SPATA6: variants seen among roughly 807,000 people sequenced by gnomAD.
SPATA6 encodes the protein spermatogenesis-associated protein 6.
Under a neutral mutation model 65.3 loss-of-function variants are expected in SPATA6, and 56 were observed. That is an observed-to-expected ratio of 0.86 (90% CI 0.69 to 1.07). The LOEUF (loss-of-function observed/expected upper bound fraction) is 1.07. Among genes scored for constraint, SPATA6 ranks in the 50% least tolerant of loss-of-function variants. The probability of loss-of-function intolerance (pLI) is 0.00; values close to 1 mark genes in which losing one functional copy is unlikely to be tolerated. For missense variants in SPATA6, 590 were observed against 594.8 expected (o/e 0.99, Z 0.08); for synonymous variants, 199 against 213.2 (o/e 0.93, Z 0.58).
chr1:48,435,147 A>C (rs1214289682), intron 3 of SPATA6, among the ~76,000 whole-genome samples: 1 of 152,194 alleles, frequency 6.6e-6, no homozygotes, highest in East Asian at 1.9e-4. Flanking sequence ...GACACTAATA[A>C]TACATCACCA....
intron 11 of SPATA6, among the ~76,000 whole-genome samples, chr1:48,337,260 A>G (rs1312302840): frequency 1.3e-5 from 2 of 151,922 alleles, no homozygotes; most frequent in Non-Finnish European, 2.9e-5. Context: ...GTGATTTGCT[A>G]TATTAAAATA....
intron 9 of SPATA6, among the ~76,000 whole-genome samples, chr1:48,368,786 C>T (rs1364509370): frequency 6.6e-6 from 1 of 152,188 alleles, no homozygotes; most frequent in Non-Finnish European, 1.5e-5. Flanking sequence ...AAGACTTCTT[C>T]TCTCAACTCG....
intron 1 of SPATA6, among the ~76,000 whole-genome samples, 173 bp from the exon 2 acceptor site, chr1:48,453,304 C>T (rs1656745297): frequency 6.6e-6 from 1 of 152,108 alleles, no homozygotes; most frequent in Non-Finnish European, 1.5e-5. Flanking sequence ...AAATGAAATG[C>T]TTTTATAACT....
intron 11 of SPATA6, among the ~76,000 whole-genome samples, chr1:48,334,786 C>A (rs774503887): frequency 6.6e-6 from 1 of 151,996 alleles, no homozygotes; most frequent in Non-Finnish European, 1.5e-5. Context: ...CTGGCCAGGG[C>A]AATCAGACAA....
intron 11 of SPATA6, among the ~76,000 whole-genome samples, chr1:48,324,176 T>A (rs1645686876): frequency 6.6e-6 from 1 of 152,140 alleles, no homozygotes; most frequent in African/African-American, 2.4e-5. Flanking sequence ...CAAGCTGGTC[T>A]CAAACTCCTG....
chr1:48,298,624 T>G lies in SPATA6; in HGVS notation c.*89A>C. 2.3e-6 allele frequency: 3 copies of G among 1,311,816 alleles called. No homozygotes were observed. The highest frequency in any genetic ancestry group is 3.1e-6 in the Non-Finnish European group (3 of 962,808). The allele number at this position is 1,311,816 out of a possible 1,614,324, so 81.3% of individuals were successfully genotyped here. ...TGTACTTAGTTATAATCCCATTTTT[T>G]TTAAAAAAAGGAATACAGATATTGA... On this transcript the variant is annotated 3_prime_UTR_variant, in exon 13 of 13. Transcript: ENST00000371847.
chr1:48,286,725 G>A, the SPATA6 span, among the ~76,000 whole-genome samples: 1 of 152,198 alleles, frequency 6.6e-6, no homozygotes, highest in Admixed American at 6.5e-5. Context: ...ACCTGACACT[G>A]TGTAATTTAT....
At chr1:48,454,329 C>T (rs1656839245) in intron 1 of SPATA6, among the ~76,000 whole-genome samples, 1 of 152,030 alleles carries the variant, frequency 6.6e-6, no homozygotes, top group Admixed American at 6.6e-5. Context: ...CATGTTCTTT[C>T]ATCATTGTAT....
intron 1 of SPATA6, among the ~76,000 whole-genome samples, chr1:48,458,241 T>C (rs1179970863): frequency 2.0e-5 from 3 of 152,108 alleles, no homozygotes; most frequent in Non-Finnish European, 1.5e-5. Context: ...CAAGTAAATC[T>C]TATCTGTGGT....
chr1:48,337,396 G>C (rs1229266995), intron 11 of SPATA6, among the ~76,000 whole-genome samples: 1 of 151,554 alleles, frequency 6.6e-6, no homozygotes, highest in Non-Finnish European at 1.5e-5. Context: ...ATACCCACAA[G>C]AAATCTACAA....
intron 9 of SPATA6, among the ~76,000 whole-genome samples, chr1:48,365,876 T>G (rs1224199718): frequency 6.6e-6 from 1 of 152,310 alleles, no homozygotes; most frequent in East Asian, 1.9e-4. Flanking sequence ...TGTGCCAGTT[T>G]TCAAAGGGAA....
At chr1:48,268,304 A>ATGTGTG in the SPATA6 span, among the ~76,000 whole-genome samples, 1,175 of 149,302 alleles carry the variant, frequency 7.9e-3, 22 homozygotes, top group African/African-American at 0.028. Context: ...AAATAAAAAT[A>ATGTGTG]TGTGTGTGTG....
intron 11 of SPATA6, among the ~76,000 whole-genome samples, chr1:48,306,754 T>A (rs1029575681): frequency 6.6e-6 from 1 of 151,918 alleles, no homozygotes; most frequent in Admixed American, 6.6e-5. Flanking sequence ...AATTTGCTGA[T>A]GGCATGAAAC....
intron 11 of SPATA6, among the ~76,000 whole-genome samples, chr1:48,352,246 A>G (rs1646531939): frequency 6.6e-6 from 1 of 152,048 alleles, no homozygotes; most frequent in Non-Finnish European, 1.5e-5. Context: ...CAGCCACAGG[A>G]AAGACTTGCC....
intron 1 of SPATA6, among the ~76,000 whole-genome samples, chr1:48,454,099 C>A (rs1476407710): frequency 1.3e-5 from 2 of 150,838 alleles, no homozygotes; most frequent in South Asian, 4.2e-4. Context: ...ACTTAACTAT[C>A]CTCATTGTGA....
At chr1:48,310,442 T>C (rs1377984960) in intron 11 of SPATA6, among the ~76,000 whole-genome samples, 1 of 152,230 alleles carries the variant, frequency 6.6e-6, no homozygotes, top group Admixed American at 6.5e-5. Context: ...CAAGTTAAAA[T>C]GCCATAAAAC....
chr1:48,367,927 C>G (rs2148846773), intron 9 of SPATA6, among the ~76,000 whole-genome samples: 1 of 152,290 alleles, frequency 6.6e-6, no homozygotes, highest in Non-Finnish European at 1.5e-5. Context: ...TTTGCAGTGG[C>G]TGATACCAGT....
chr1:48,334,722 A>C (rs1008822286), intron 11 of SPATA6, among the ~76,000 whole-genome samples: 22 of 152,212 alleles, frequency 1.4e-4, no homozygotes, highest in African/African-American at 5.1e-4. Flanking sequence ...GAAAATCGGC[A>C]TAAGACAAGG....
chr1:48,355,009 T>C (rs1434939602), intron 11 of SPATA6, among the ~76,000 whole-genome samples: 1 of 152,102 alleles, frequency 6.6e-6, no homozygotes, highest in Non-Finnish European at 1.5e-5. Flanking sequence ...AAACCCCTTA[T>C]ACCCCCCCAA....
Sources: allele counts gnomAD v4.1 joint callset (sites outside exome capture counted in the v4.1 genomes callset), GRCh38; gene constraint gnomAD v4.1.1; transcripts MANE v1.5; gene names NCBI Gene and HGNC (gene_info 2026-07-23, HGNC 2026-07-21).